The following TRIM23 variants were observed in gnomAD, a reference collection of about 807,000 sequenced individuals.
The protein encoded by TRIM23 is E3 ubiquitin-protein ligase TRIM23.
Under a neutral mutation model 71.0 loss-of-function variants are expected in TRIM23, and 27 were observed. The ratio of observed to expected loss-of-function variants is 0.38; its 90% CI spans 0.28 to 0.52. The LOEUF (loss-of-function observed/expected upper bound fraction) is 0.52. TRIM23 is among the 20% of genes least tolerant of loss of function. The pLI, the probability that TRIM23 is intolerant of heterozygous loss-of-function variation, is 0.84. For missense variants in TRIM23, 482 were observed against 692.3 expected (o/e 0.70, Z 3.41); for synonymous variants, 234 against 238.0 (o/e 0.98, Z 0.16).
At chr5:65,613,309 G>A (rs1417203500) in intron 3 of TRIM23, among the ~76,000 whole-genome samples, 4 of 152,316 alleles carry the variant, frequency 2.6e-5, no homozygotes, top group Admixed American at 2.0e-4. Flanking sequence ...GTTGCAGTTT[G>A]AAATTCATTT....
At position 65,591,001 on chromosome 5, in the gene TRIM23, G is replaced by C. The variant is rs1390803835; in HGVS notation, c.*768C>G. On this transcript the variant is annotated 3_prime_UTR_variant, in exon 11 of 11. Coordinates refer to ENST00000231524, the MANE Select transcript of TRIM23 (RefSeq NM_001656.4). ...TGAAAAATAGAAGGACCAATTTAGAGCTCTGACCTAGGTTCAGTCCTGGAA... is the reference window on the plus strand; with the variant it reads ...TGAAAAATAGAAGGACCAATTTAGACCTCTGACCTAGGTTCAGTCCTGGAA... 2 of 985,828 alleles carry C rather than the reference G, an allele frequency of 2.0e-6. No individual in the cohort carries two copies. The highest frequency in any genetic ancestry group is 2.4e-6 in the Non-Finnish European group (2 of 830,386). The allele number at this position is 985,828 out of a possible 1,614,324, so 61.1% of individuals were successfully genotyped here. A position where few individuals can be genotyped will look rare whatever the true frequency, so the allele number is the denominator to read the frequency against.
At chr5:65,615,426 C>T (rs1754753359) in intron 2 of TRIM23, among the ~76,000 whole-genome samples, 1 of 151,908 alleles carries the variant, frequency 6.6e-6, no homozygotes, top group Non-Finnish European at 1.5e-5. Context: ...CAACAAATAA[C>T]ATCTGATATA....
Position 65,591,004 on chromosome 5 carries a change from C to T in TRIM23, c.*765G>A. The T allele has an allele frequency of 1.0e-6, 1 of 986,206 alleles. No homozygotes were observed. Among genetic ancestry groups the T allele is most frequent in the Non-Finnish European group, 1.2e-6 (1 of 830,546 alleles). 61.1% of individuals were successfully genotyped at this position (986,206 alleles called of 1,614,324 possible). On this transcript the variant is annotated 3_prime_UTR_variant, in exon 11 of 11. Transcript: ENST00000231524. The stretch of plus-strand genomic sequence containing the variant: ...AAAATAGAAGGACCAATTTAGAGCT[C>T]TGACCTAGGTTCAGTCCTGGAAATG...
At chr5:65,602,342 C>T (rs1190502136) in intron 7 of TRIM23, among the ~76,000 whole-genome samples, 1 of 152,198 alleles carries the variant, frequency 6.6e-6, no homozygotes, top group Non-Finnish European at 1.5e-5. Flanking sequence ...ACAAGAGTCA[C>T]CTTCGTTCCA....
At position 65,614,079 on chromosome 5, in the gene TRIM23, C is replaced by T; in HGVS notation, c.366+19G>A. 1.9e-6 allele frequency: 3 copies of T among 1,605,630 alleles called. No homozygotes were observed. The highest frequency in any genetic ancestry group is 2.5e-6 in the Non-Finnish European group (3 of 1,177,080). ...AAATTCATGCTCGTAACAAATATTT[C>T]ACCAAGTATGATCAATACCTCTCCA... On this transcript the variant is annotated intron_variant, in intron 3 of 10. Coordinates refer to ENST00000231524, the MANE Select transcript of TRIM23 (RefSeq NM_001656.4).
chr5:65,590,541 G>T lies in TRIM23; in HGVS notation c.*1228C>A. ...GATTTAACTTCATCCTAATGTATCA[G>T]AACATTAAAAAAAAAAAAGTCTCAA... On this transcript the variant is annotated 3_prime_UTR_variant, in exon 11 of 11. Coordinates refer to ENST00000231524, the MANE Select transcript of TRIM23 (RefSeq NM_001656.4). 4.9e-6 allele frequency: 5 copies of T among 1,028,182 alleles called. No homozygotes were observed. The highest frequency in any genetic ancestry group is 5.8e-6 in the Non-Finnish European group (5 of 860,312). The allele number at this position is 1,028,182 out of a possible 1,614,324, so 63.7% of individuals were successfully genotyped here.
In TRIM23 at chr5:65,590,946, T is replaced by C. The variant is rs1040936650; in HGVS notation, c.*823A>G. On this transcript the variant is annotated 3_prime_UTR_variant, in exon 11 of 11. Coordinates refer to ENST00000231524, the MANE Select transcript of TRIM23 (RefSeq NM_001656.4). ...CATTCCCACAAAGGATGCAATATTATATTAGAAAGAAATATTACTTTAAAT... is the reference window on the plus strand; with the variant it reads ...CATTCCCACAAAGGATGCAATATTACATTAGAAAGAAATATTACTTTAAAT... 1.0e-6 allele frequency: 1 copy of C among 984,948 alleles called. No individual in the cohort carries two copies. The allele number at this position is 984,948 out of a possible 1,614,324, so 61.0% of individuals were successfully genotyped here. A position where few individuals can be genotyped will look rare whatever the true frequency, so the allele number is the denominator to read the frequency against.
At position 65,611,986 on chromosome 5, in the gene TRIM23, T is replaced by C. The variant is rs37331; in HGVS notation, c.367-105A>G. On this transcript the variant is annotated intron_variant, in intron 3 of 10. Coordinates refer to ENST00000231524, the MANE Select transcript of TRIM23 (RefSeq NM_001656.4). ...TCCTTTTTGCTTAACTGAACAATAT[T>C]TACATATGAAAATATATTGGTCATT... 66 of 1,090,036 alleles carry C rather than the reference T, an allele frequency of 6.1e-5. No homozygotes were observed. In the East Asian group the frequency reaches 1.7e-3, roughly 27 times the overall value. The allele number at this position is 1,090,036 out of a possible 1,614,324, so 67.5% of individuals were successfully genotyped here.
At chr5:65,614,863 T>C (rs1190568901) in intron 2 of TRIM23, among the ~76,000 whole-genome samples, 2 of 152,142 alleles carry the variant, frequency 1.3e-5, no homozygotes. Flanking sequence ...ATGTTATACA[T>C]ATATTTTGCC....
In TRIM23 at chr5:65,618,741, A is replaced by C. The variant is rs571948253; in HGVS notation, c.82-486T>G. On this transcript the variant is annotated intron_variant, in intron 1 of 10. Coordinates refer to ENST00000231524, the MANE Select transcript of TRIM23 (RefSeq NM_001656.4). ...AAGAACTTGTTAAGAAAAGACTGCA[A>C]GTAACTTTCAAGTATCTTCTACTAT... 2.0e-5 allele frequency among the ~76,000 whole-genome samples: 3 copies of C among 152,362 alleles called. No individual in the cohort carries two copies. The South Asian group carries it at 6.2e-4, about 32-fold the overall frequency.
chr5:65,621,763 A>C (rs188323097), intron 1 of TRIM23, among the ~76,000 whole-genome samples: 2 of 152,032 alleles, frequency 1.3e-5, no homozygotes, highest in African/African-American at 4.8e-5. Context: ...AAAAGCTTCA[A>C]ACTTATTACT....
Position 65,589,718 on chromosome 5 carries a change from C to A in TRIM23, c.*2051G>T, listed in dbSNP as rs1753969600. ...TCTTAACATTTTATTGCTGTCTATACTTATCATATATGTAGTGCAAATAAT... is the reference window on the plus strand; with the variant it reads ...TCTTAACATTTTATTGCTGTCTATAATTATCATATATGTAGTGCAAATAAT... On this transcript the variant is annotated 3_prime_UTR_variant, in exon 11 of 11. Coordinates refer to ENST00000231524, the MANE Select transcript of TRIM23 (RefSeq NM_001656.4). 1 of 152,284 alleles carries A rather than the reference C, an allele frequency of 6.6e-6. No individual in the cohort carries two copies. Among genetic ancestry groups the A allele is most frequent in the South Asian group, 2.1e-4 (1 of 4,824 alleles). 9.4% of individuals were successfully genotyped at this position (152,284 alleles called of 1,614,324 possible).
Position 65,590,397 on chromosome 5 carries a change from T to A in TRIM23, c.*1372A>T. The A allele has an allele frequency of 1.4e-6, 2 of 1,443,346 alleles. No homozygotes were observed. The highest frequency in any genetic ancestry group is 1.8e-6 in the Non-Finnish European group (2 of 1,094,988). The allele number at this position is 1,443,346 out of a possible 1,614,324, so 89.4% of individuals were successfully genotyped here. ...TTTTAATGCTTTGTTTTCTAAAACTTGTATTGTTTTTAAACAAAAATAGAT... is the reference window on the plus strand; with the variant it reads ...TTTTAATGCTTTGTTTTCTAAAACTAGTATTGTTTTTAAACAAAAATAGAT... On this transcript the variant is annotated 3_prime_UTR_variant, in exon 11 of 11. Coordinates refer to ENST00000231524, the MANE Select transcript of TRIM23 (RefSeq NM_001656.4).
intron 1 of TRIM23, among the ~76,000 whole-genome samples, chr5:65,619,753 G>A (rs1354601506): frequency 2.0e-5 from 3 of 152,164 alleles, no homozygotes; most frequent in Admixed American, 6.5e-5. Context: ...AATTCTTTAC[G>A]TGAAAAGATG....
At chr5:65,604,089 A>G (rs1424258738) in intron 7 of TRIM23, among the ~76,000 whole-genome samples, 8 of 151,728 alleles carry the variant, frequency 5.3e-5, no homozygotes, top group African/African-American at 1.5e-4. Flanking sequence ...ACCATGCCCA[A>G]TTATGTTTGT....
chr5:65,619,677 G>A (rs1473897151), intron 1 of TRIM23, among the ~76,000 whole-genome samples: 2 of 152,106 alleles, frequency 1.3e-5, no homozygotes, highest in African/African-American at 4.8e-5. Flanking sequence ...ATGTAAATAA[G>A]GGTTTGGGAA....
Position 65,604,924 on chromosome 5 carries a change from A to G in TRIM23, c.1166T>C (p.Val389Ala). 6.2e-7 allele frequency: 1 copy of G among 1,613,182 alleles called. No individual in the cohort carries two copies. Among genetic ancestry groups the G allele is most frequent in the South Asian group, 1.1e-5 (1 of 90,838 alleles). ...DHIQLDASIP[V>A]TFTKDNRVHI... ...ACAGTACATTACCTTTGTAAAAGTGACAGGGATGCTGGCATCCAACTGAAT... is the reference window on the plus strand; with the variant it reads ...ACAGTACATTACCTTTGTAAAAGTGGCAGGGATGCTGGCATCCAACTGAAT... Residue 389 changes from valine to alanine, a missense_variant, in exon 7 of 11, where the codon GTC becomes GCC. Transcript: ENST00000231524.
chr5:65,611,461 T>C, intron 4 of TRIM23, 142 bp downstream of exon 4: 1 of 872,742 alleles, frequency 1.1e-6, no homozygotes. Context: ...CTCATTTATT[T>C]TCATGCTACC....
intron 7 of TRIM23, among the ~76,000 whole-genome samples, chr5:65,602,259 A>C (rs1754382421): frequency 6.6e-6 from 1 of 152,174 alleles, no homozygotes; most frequent in Admixed American, 6.5e-5. Flanking sequence ...CAGATACCCT[A>C]AATCACCTCT....
Sources: allele counts gnomAD v4.1 joint callset (sites outside exome capture counted in the v4.1 genomes callset), GRCh38; gene constraint gnomAD v4.1.1; transcripts MANE v1.5; gene names NCBI Gene and HGNC (gene_info 2026-07-23, HGNC 2026-07-21).